The following TFB1M variants were observed in gnomAD, a reference collection of about 807,000 sequenced individuals.
TFB1M encodes the protein transcription factor B1, mitochondrial.
TFB1M carries 27 observed loss-of-function variants against 31.1 expected under a neutral mutation model. The observed-to-expected ratio is 0.87, with a 90% CI of 0.64 to 1.20. TFB1M has a LOEUF of 1.20. Ranked by LOEUF, TFB1M falls within the 50% of genes most tolerant of loss-of-function variation. The pLI, the probability that TFB1M is intolerant of heterozygous loss-of-function variation, is 0.00. For synonymous variants in TFB1M, 166 were observed against 151.8 expected (o/e 1.09, Z -0.69); for missense variants, 394 against 418.7 (o/e 0.94, Z 0.51).
chr6:155,249,177 T>A, the TFB1M span, among the ~76,000 whole-genome samples: 4 of 152,252 alleles, frequency 2.6e-5, no homozygotes, highest in African/African-American at 9.6e-5. Flanking sequence ...TAAAGAATAC[T>A]GAATTTAGAA....
the TFB1M span, among the ~76,000 whole-genome samples, chr6:155,239,415 G>T: frequency 6.6e-6 from 1 of 152,290 alleles, no homozygotes; most frequent in Non-Finnish European, 1.5e-5. Flanking sequence ...GCCCTCACTG[G>T]GCTTCCAGAT....
At chr6:155,312,071 C>T (rs1160043968) in intron 1 of TFB1M, among the ~76,000 whole-genome samples, 1 of 152,138 alleles carries the variant, frequency 6.6e-6, no homozygotes, top group East Asian at 1.9e-4. Flanking sequence ...TCTGGAAAAA[C>T]ATGCAATGGG....
the TFB1M span, among the ~76,000 whole-genome samples, chr6:155,231,631 G>A: frequency 6.7e-6 from 1 of 149,490 alleles, no homozygotes; most frequent in African/African-American, 2.6e-5. Flanking sequence ...GGCCCTGCCA[G>A]CTTCCCCCCA....
chr6:155,305,689 A>T (rs1296776445), intron 2 of TFB1M, among the ~76,000 whole-genome samples: 2 of 81,026 alleles, frequency 2.5e-5, no homozygotes, highest in Non-Finnish European at 4.3e-5. Context: ...TAAATTATAT[A>T]TTTATATATA....
At chr6:155,241,072 C>G in the TFB1M span, among the ~76,000 whole-genome samples, 6,303 of 152,258 alleles carry the variant, frequency 0.041, 265 homozygotes, top group African/African-American at 0.1. Flanking sequence ...TCTGTACATA[C>G]GTGACGGCTG....
At chr6:155,244,838 TCTCTCATGAGAA>T in the TFB1M span, 1 of 1,534,994 alleles carries the variant, frequency 6.5e-7, no homozygotes. Flanking sequence ...GGTACGTATT[TCTCTCATGAGAA>T]TTCTCTCATG....
chr6:155,240,090 G>A, the TFB1M span, among the ~76,000 whole-genome samples: 20,808 of 152,238 alleles, frequency 0.14, 1,878 homozygotes, highest in Middle Eastern at 0.29. Flanking sequence ...GAGTCTCTCC[G>A]GGCTGTTCTG....
At chr6:155,237,282 G>GATT in the TFB1M span, among the ~76,000 whole-genome samples, 2 of 152,242 alleles carry the variant, frequency 1.3e-5, no homozygotes, top group Non-Finnish European at 2.9e-5. Context: ...TCACACTGAT[G>GATT]CAAGAGGTGG....
At chr6:155,245,664 G>A in the TFB1M span, 64 of 1,613,580 alleles carry the variant, frequency 4.0e-5, no homozygotes, top group Admixed American at 2.2e-4. Flanking sequence ...TTTATTACGC[G>A]GACCACTTTA....
In TFB1M at chr6:155,285,184, C is replaced by G. The variant is rs1416829063; in HGVS notation, c.640G>C (p.Gly214Arg). 6.2e-7 allele frequency: 1 copy of G among 1,613,990 alleles called. No individual in the cohort carries two copies. Among genetic ancestry groups the G allele is most frequent in the South Asian group, 1.1e-5 (1 of 91,086 alleles). Reference protein sequence around the residue: ...CNVRHIFTIPGQAFVPKPEVD... With the variant: ...CNVRHIFTIPRQAFVPKPEVD... The stretch of plus-strand genomic sequence containing the variant: ...TCTGGTTTGGGGACAAAAGCTTGTC[C>G]TGGAATCGTAAAGATGTGTCGAACA... Residue 214 changes from glycine to arginine, a missense_variant, in exon 5 of 7, where the codon GGA becomes CGA. By Grantham distance (125) the Gly-to-Arg change is moderately radical. This residue lies in a region of TFB1M where 273 missense variants were observed against 256.4 expected (regional missense o/e 1.06). Transcript: ENST00000367166.
intron 2 of TFB1M, among the ~76,000 whole-genome samples, chr6:155,300,698 T>C (rs1777385904): frequency 6.6e-6 from 1 of 152,220 alleles, no homozygotes; most frequent in Non-Finnish European, 1.5e-5. Flanking sequence ...GTTAACTTAA[T>C]TTGAAGTGTT....
intron 5 of TFB1M, chr6:155,276,206 G>T: frequency 1.2e-6 from 2 of 1,614,132 alleles, no homozygotes; most frequent in Non-Finnish European, 1.7e-6. Flanking sequence ...ACCTGGAGGA[G>T]CTATCTATAT....
chr6:155,285,039 TAC>T (rs1192567919), intron 5 of TFB1M, 117 bp downstream of exon 5: 2 of 1,309,742 alleles, frequency 1.5e-6, no homozygotes, highest in Non-Finnish European at 2.2e-6. Flanking sequence ...AGAAGTAAAG[TAC>T]AGTGTCAGTT....
chr6:155,305,167 T>C (rs1390201168), intron 2 of TFB1M, among the ~76,000 whole-genome samples: 1 of 94,654 alleles, frequency 1.1e-5, no homozygotes, highest in African/African-American at 4.6e-5. Flanking sequence ...TATTAAATTA[T>C]ATATTTATAT....
At chr6:155,280,872 C>T (rs1187590237) in intron 5 of TFB1M, among the ~76,000 whole-genome samples, 1 of 152,172 alleles carries the variant, frequency 6.6e-6, no homozygotes, top group Non-Finnish European at 1.5e-5. Context: ...CTAAAACGCT[C>T]TTCAAAAGTC....
At chr6:155,308,389 T>C (rs1259301477) in intron 2 of TFB1M, among the ~76,000 whole-genome samples, 1 of 152,162 alleles carries the variant, frequency 6.6e-6, no homozygotes, top group African/African-American at 2.4e-5. Context: ...CCAGAGGTAA[T>C]CAAGGCATGG....
At chr6:155,265,713 AT>A (rs1319253685) in intron 5 of TFB1M, among the ~76,000 whole-genome samples, 2 of 145,950 alleles carry the variant, frequency 1.4e-5, no homozygotes, top group South Asian at 2.1e-4. Context: ...TATTAAATAT[AT>A]TTATATATAA....
chr6:155,242,172 G>A, the TFB1M span, among the ~76,000 whole-genome samples: 10 of 152,156 alleles, frequency 6.6e-5, no homozygotes, highest in South Asian at 2.1e-4. Context: ...AGCTCTGCGC[G>A]GACCTGATTT....
intron 5 of TFB1M, chr6:155,276,192 A>G (rs1296769237): frequency 6.2e-7 from 1 of 1,614,116 alleles, no homozygotes; most frequent in South Asian, 1.1e-5. Context: ...AGCAACAAAC[A>G]TGAACCTGGA....
Sources: allele counts gnomAD v4.1 joint callset (sites outside exome capture counted in the v4.1 genomes callset), GRCh38; gene constraint gnomAD v4.1.1; regional missense constraint gnomAD v4.1.1; transcripts MANE v1.5; gene names NCBI Gene and HGNC (gene_info 2026-07-23, HGNC 2026-07-21).